The following GEMIN5 variants were observed in gnomAD, a reference collection of about 807,000 sequenced individuals.
GEMIN5 encodes the protein gem-associated protein 5.
GEMIN5 carries 124 observed loss-of-function variants against 176.9 expected under a neutral mutation model. That is an observed-to-expected ratio of 0.70 (90% confidence interval 0.61 to 0.81). The LOEUF (loss-of-function observed/expected upper bound fraction) is 0.81, where lower values mean the gene tolerates loss of function less well. Among genes scored for constraint, GEMIN5 ranks in the 40% least tolerant of loss-of-function variants. The pLI, the probability that GEMIN5 is intolerant of heterozygous loss-of-function variation, is 0.00. For synonymous variants in GEMIN5, 673 were observed against 665.2 expected (o/e 1.01, Z -0.18); for missense variants, 1,843 against 1,814.6 (o/e 1.02, Z -0.28).
rs1388738964 is a variant in GEMIN5, at chr5:154,931,387, A to G, written c.781+71T>C. ...AAATAGATGACACACCCTCAGGACAATAAGAACAGAAAACCCTCTACTTCC... is the reference window on the plus strand; with the variant it reads ...AAATAGATGACACACCCTCAGGACAGTAAGAACAGAAAACCCTCTACTTCC... On this transcript the variant is annotated intron_variant, in intron 5 of 27. Transcript: ENST00000285873. The G allele has an allele frequency of 3.4e-6, 5 of 1,471,188 alleles. No individual in the cohort carries two copies. The African/African-American group carries it at 4.2e-5, about 12-fold the overall frequency. 91.1% of individuals were successfully genotyped at this position (1,471,188 alleles called of 1,614,324 possible). A position where few individuals can be genotyped will look rare whatever the true frequency, so the allele number is the denominator to read the frequency against.
intron 26 of GEMIN5, among the ~76,000 whole-genome samples, chr5:154,890,917 C>A (rs532090652): frequency 6.6e-6 from 1 of 152,248 alleles, no homozygotes; most frequent in East Asian, 1.9e-4. Flanking sequence ...GCATGTGCCA[C>A]CATACCCAGC....
At position 154,891,565 on chromosome 5, in the gene GEMIN5, T is replaced by A; in HGVS notation, c.3938A>T (p.Glu1313Val). ...GGCAGTGTCTAACTGCTGGCTTGGCTCAACAGAGAGTGTTCTGTGACCAGC... is the reference window on the plus strand; with the variant it reads ...GGCAGTGTCTAACTGCTGGCTTGGCACAACAGAGAGTGTTCTGTGACCAGC... ...VRAGHRTLSV[E>V]PSQQLDTAST... Residue 1313 changes from glutamate to valine, a missense_variant, in exon 26 of 28, where the codon GAG becomes GTG. By Grantham distance (121) the Glu-to-Val change is moderately radical. Transcript: ENST00000285873. The A allele has an allele frequency of 6.2e-7, 1 of 1,614,134 alleles. No individual in the cohort carries two copies. Among genetic ancestry groups the A allele is most frequent in the Non-Finnish European group, 8.5e-7 (1 of 1,180,018 alleles).
intron 4 of GEMIN5, 133 bp from the exon 5 acceptor site, chr5:154,931,710 G>C: frequency 2.8e-6 from 2 of 707,816 alleles, no homozygotes; most frequent in Non-Finnish European, 4.6e-6. Flanking sequence ...GAAGTTTTAG[G>C]TATAATTAAA....
chr5:154,926,923 G>A (rs932201374), intron 7 of GEMIN5, among the ~76,000 whole-genome samples: 1 of 152,104 alleles, frequency 6.6e-6, no homozygotes, highest in Non-Finnish European at 1.5e-5. Context: ...GGTGATACAC[G>A]CCTGTAGTCC....
intron 22 of GEMIN5, 63 bp from the exon 23 acceptor site, chr5:154,898,713 G>T: frequency 7.8e-7 from 1 of 1,285,266 alleles, no homozygotes; most frequent in Non-Finnish European, 1.1e-6. Flanking sequence ...CATTCCTAGA[G>T]GATGGAATCA....
At chr5:154,930,089 T>C (rs993812277) in intron 5 of GEMIN5, among the ~76,000 whole-genome samples, 4 of 152,090 alleles carry the variant, frequency 2.6e-5, no homozygotes, top group African/African-American at 9.7e-5. Context: ...TCCTGACTCA[T>C]TCCGATTACC....
intron 21 of GEMIN5, among the ~76,000 whole-genome samples, chr5:154,900,207 T>C (rs1228018608): frequency 6.6e-6 from 1 of 152,214 alleles, no homozygotes; most frequent in African/African-American, 2.4e-5. Context: ...TATTTTATAA[T>C]AAGATATGTT....
At chr5:154,907,484 G>T in intron 16 of GEMIN5, 107 bp downstream of exon 16, 1 of 667,758 alleles carries the variant, frequency 1.5e-6, no homozygotes, top group Non-Finnish European at 2.6e-6. Flanking sequence ...CTGTTTCCAA[G>T]AGTTGGAAAA....
In GEMIN5 at chr5:154,920,190, A is replaced by T. The variant is rs2270622; in HGVS notation, c.1463-87T>A. On this transcript the variant is annotated intron_variant, in intron 10 of 27. Transcript: ENST00000285873. ...CTATAGTATGACCATACCATACTAC[A>T]TAGTTGTTTTAAAAGAACTATATAT... The T allele has an allele frequency of 1.3e-3, 1,289 of 980,878 alleles. 11 individuals carry two copies. The African/African-American group carries it at 0.019, about 14-fold the overall frequency. 60.8% of individuals were successfully genotyped at this position (980,878 alleles called of 1,614,324 possible).
intron 21 of GEMIN5, among the ~76,000 whole-genome samples, 176 bp downstream of exon 21, chr5:154,901,162 CA>C (rs1561712734): frequency 6.6e-6 from 1 of 152,160 alleles, no homozygotes; most frequent in African/African-American, 2.4e-5. Context: ...TCCGTCTCTA[CA>C]AAAAACTAAA....
Position 154,891,695 on chromosome 5 carries a change from T to A in GEMIN5, c.3808A>T (p.Thr1270Ser). ...DKLGDHQSPA[T>S]PAFKSLEAFF... Reference sequence around the variant, plus strand: ...GCCTCCAAACTTTTGAAAGCTGGTGTGGCAGGGGATTGATGGTCCCCCAAC... The same window carrying A: ...GCCTCCAAACTTTTGAAAGCTGGTGAGGCAGGGGATTGATGGTCCCCCAAC... Residue 1270 changes from threonine to serine, a missense_variant, in exon 26 of 28, where the codon ACA becomes TCA. By Grantham distance (58) the Thr-to-Ser change is moderately conservative. Coordinates refer to ENST00000285873, the MANE Select transcript of GEMIN5 (RefSeq NM_015465.5). 1.9e-6 allele frequency: 3 copies of A among 1,610,092 alleles called. No individual in the cohort carries two copies. Among genetic ancestry groups the A allele is most frequent in the Non-Finnish European group, 2.5e-6 (3 of 1,178,956 alleles).
At position 154,926,073 on chromosome 5, in the gene GEMIN5, A is replaced by G. The variant is rs1764024124; in HGVS notation, c.1082T>C (p.Val361Ala). ...CAAGGTGGCTATGTCCCAACATTTT[A>G]CCTGCAAAGATTAACGGTAAGGGCC... The part of the protein sequence containing the change: ...LLLSTSMDRD[V>A]KCWDIATLEC... Residue 361 changes from valine to alanine, a missense_variant and splice_region_variant, in exon 8 of 28, where the codon GTA (valine) becomes GCA (alanine). Physicochemically the swap from Val to Ala is moderately conservative, Grantham distance 64 (BLOSUM62 0). Transcript: ENST00000285873. The G allele has an allele frequency of 6.3e-7, 1 of 1,599,750 alleles. No homozygotes were observed. The highest frequency in any genetic ancestry group is 8.6e-7 in the Non-Finnish European group (1 of 1,166,942).
At position 154,896,352 on chromosome 5, in the gene GEMIN5, C is replaced by G. The variant is rs370170022; in HGVS notation, c.3346-9G>C. The G allele has an allele frequency of 3.2e-6, 5 of 1,555,180 alleles. No homozygotes were observed. Among genetic ancestry groups the G allele is most frequent in the Non-Finnish European group, 4.3e-6 (5 of 1,154,440 alleles). ...AACACCAATCTCTGACCCTGGAACA[C>G]GACAACAAGGAAGAGGAACTGTTAT... On this transcript the variant is annotated splice_polypyrimidine_tract_variant and intron_variant, in intron 23 of 27. Coordinates refer to ENST00000285873, the MANE Select transcript of GEMIN5 (RefSeq NM_015465.5).
chr5:154,911,090 T>A (rs1763690438), intron 15 of GEMIN5, among the ~76,000 whole-genome samples: 1 of 152,184 alleles, frequency 6.6e-6, no homozygotes, highest in Admixed American at 6.5e-5. Context: ...TCTCCTGAAT[T>A]CTTTGAGTAC....
In GEMIN5 at chr5:154,930,350, C is replaced by T. The variant is rs565210106; in HGVS notation, c.781+1108G>A. Among the ~76,000 whole-genome samples, 42 of 152,288 alleles carry T rather than the reference C, an allele frequency of 2.8e-4. No homozygotes were observed. In the South Asian group the frequency reaches 3.3e-3, roughly 12 times the overall value. On this transcript the variant is annotated intron_variant, in intron 5 of 27. Transcript: ENST00000285873. ...CTCACCATTGCTCCATCTGTAAGGG[C>T]GCACCCTTCTATAGAAGTACATTGC...
Position 154,938,056 on chromosome 5 carries a change from GC to G in GEMIN5, c.77del (p.Gly26AlafsTer32). 2 of 1,536,512 alleles carry G rather than the reference GC, an allele frequency of 1.3e-6. No homozygotes were observed. The highest frequency in any genetic ancestry group is 2.1e-5 in the Admixed American group (1 of 47,846). On this transcript the variant is annotated frameshift_variant, in exon 1 of 28. Transcript: ENST00000285873. LOFTEE classifies it high-confidence loss of function. ...AGGTCCGCGCGGCGAAGCCAAAGAG[GC>G]CCCCGGGCACGGCATCGCTGCAGCG... ...CARCSDAVPG[G>X]LFGFAARTSV...
chr5:154,932,229 C>T lies in GEMIN5; in HGVS notation c.531G>A (p.Val177=). The change falls in exon 4 of 28, where the codon GTG becomes GTA. Residue 177 remains valine, a synonymous_variant. Transcript: ENST00000285873. ...VAIGYKDGIV[V]IIDISKKGEV... ...CTCCTTTCTTACTGATGTCAATTAT[C>T]ACCACTATGCCATCCTTGTAGCTAA... is the stretch of plus-strand genomic sequence containing the variant. The T allele has an allele frequency of 3.1e-6, 5 of 1,609,060 alleles. No homozygotes were observed. Among genetic ancestry groups the T allele is most frequent in the Non-Finnish European group, 4.3e-6 (5 of 1,176,308 alleles).
intron 14 of GEMIN5, among the ~76,000 whole-genome samples, chr5:154,912,215 G>A (rs919025765): frequency 5.9e-5 from 9 of 152,158 alleles, no homozygotes; most frequent in African/African-American, 9.7e-5. Context: ...CTGGTATCAC[G>A]AAGAAAATAG....
chr5:154,933,769 A>G (rs2112222), intron 3 of GEMIN5, among the ~76,000 whole-genome samples: 145,448 of 152,134 alleles, frequency 0.96, 69,620 homozygotes, highest in South Asian at 0.99. Context: ...CAACCTAATC[A>G]CCAACAGATC....
Sources: gnomAD v4.1 joint callset for allele counts (sites outside exome capture counted in the v4.1 genomes callset) on GRCh38, gnomAD v4.1.1 for gene constraint, MANE v1.5 for transcripts, NCBI Gene and HGNC (gene_info 2026-07-23, HGNC 2026-07-21) for gene names.